The following ZNF407 variants were observed in gnomAD, a reference collection of about 807,000 sequenced individuals.
The protein encoded by ZNF407 is zinc finger protein 407.
A neutral mutation model predicts 131.2 loss-of-function variants in ZNF407; 17 were observed. The observed-to-expected ratio is 0.13, with a 90% confidence interval of 0.09 to 0.19. The LOEUF (loss-of-function observed/expected upper bound fraction) is 0.19. ZNF407 is among the 10% of genes least tolerant of loss of function. The probability of loss-of-function intolerance (pLI) is 1.00; values close to 1 mark genes in which losing one functional copy is unlikely to be tolerated. For synonymous variants in ZNF407, 1,156 were observed against 1,062.0 expected (o/e 1.09, Z -1.72); for missense variants, 2,681 against 2,830.6 (o/e 0.95, Z 1.20).
chr18:74,968,473 A>G (rs1211131798), intron 8 of ZNF407, among the ~76,000 whole-genome samples: 1 of 152,180 alleles, frequency 6.6e-6, no homozygotes, highest in African/African-American at 2.4e-5. Context: ...CCCTTTAACT[A>G]GAATTTTGCA....
rs1243288680 is a variant in ZNF407, at chr18:74,949,174, A to G, written c.5428+28482A>G. Among the ~76,000 whole-genome samples the G allele has an allele frequency of 4.6e-5, 7 of 152,232 alleles. No homozygotes were observed. The South Asian group carries it at 1.4e-3, about 32-fold the overall frequency. On this transcript the variant is annotated intron_variant, in intron 8 of 8. Transcript: ENST00000299687. ...CAGTAGGTACATTTCTTTCTGACAA[A>G]CACACATTTGAAATAAATATTTATA...
chr18:74,655,986 T>C (rs185873780), intron 3 of ZNF407, among the ~76,000 whole-genome samples: 2 of 152,282 alleles, frequency 1.3e-5, no homozygotes, highest in African/African-American at 4.8e-5. Flanking sequence ...AAAATAATGC[T>C]AAGATTCTAG....
At chr18:74,967,313 T>G (rs1347543135) in intron 8 of ZNF407, among the ~76,000 whole-genome samples, 2 of 152,212 alleles carry the variant, frequency 1.3e-5, no homozygotes, top group Non-Finnish European at 2.9e-5. Flanking sequence ...TAAAAATGCC[T>G]TCCATTTTTA....
intron 3 of ZNF407, among the ~76,000 whole-genome samples, chr18:74,669,099 A>T (rs145556212): frequency 4.5e-4 from 69 of 151,792 alleles, no homozygotes; most frequent in African/African-American, 1.6e-3. Context: ...TGAACCCTTG[A>T]CTCAGGTGGT....
chr18:74,695,226 A>G (rs1256338382), intron 3 of ZNF407, among the ~76,000 whole-genome samples: 1 of 152,226 alleles, frequency 6.6e-6, no homozygotes, highest in Non-Finnish European at 1.5e-5. Flanking sequence ...AAAAATAAGT[A>G]TCAATATATG....
chr18:74,796,729 G>A (rs747063820), intron 4 of ZNF407, among the ~76,000 whole-genome samples: 28 of 152,072 alleles, frequency 1.8e-4, no homozygotes, highest in African/African-American at 4.1e-4. Flanking sequence ...AAAAATGCAC[G>A]CTCGAAGCTT....
At chr18:74,804,070 C>A in intron 4 of ZNF407, 5 of 1,551,406 alleles carry the variant, frequency 3.2e-6, no homozygotes, top group Non-Finnish European at 4.4e-6. Context: ...CTTTTCATAA[C>A]TGATGGGACC....
intron 1 of ZNF407, among the ~76,000 whole-genome samples, chr18:74,622,893 CGT>C (rs768793328): frequency 1.0e-3 from 16 of 15,518 alleles, no homozygotes; most frequent in Admixed American, 1.1e-3. Flanking sequence ...CCTACAAGTG[CGT>C]GTCTGTTTTA....
chr18:75,001,498 A>G (rs373831802), intron 8 of ZNF407, among the ~76,000 whole-genome samples: 114 of 152,318 alleles, frequency 7.5e-4, no homozygotes, highest in African/African-American at 2.6e-3. Flanking sequence ...GGTTAAGTGA[A>G]AATGAAAAAT....
intron 7 of ZNF407, among the ~76,000 whole-genome samples, chr18:74,896,454 T>G (rs1971454838): frequency 6.6e-6 from 1 of 152,214 alleles, no homozygotes; most frequent in South Asian, 2.1e-4. Context: ...CTTAGGCTAA[T>G]AATGATTCCA....
At chr18:74,897,691 T>C (rs905470747) in intron 7 of ZNF407, among the ~76,000 whole-genome samples, 2 of 152,208 alleles carry the variant, frequency 1.3e-5, no homozygotes, top group African/African-American at 4.8e-5. Flanking sequence ...ACTAGAGCTA[T>C]TATCAAACAA....
At position 74,833,558 on chromosome 18, in the gene ZNF407, C is replaced by T. The variant is rs145499762; in HGVS notation, c.4878-43639C>T. Among the ~76,000 whole-genome samples, 29 of 152,222 alleles carry T rather than the reference C, an allele frequency of 1.9e-4. 1 individual carries two copies. In the East Asian group the frequency reaches 5.2e-3, roughly 27 times the overall value. On this transcript the variant is annotated intron_variant, in intron 4 of 8. Transcript: ENST00000299687. ...AAGCATACTTGAGCCTGTGGAGTTC[C>T]AGGCACAGAAAGCAGACTTCTGTGG...
At chr18:75,060,177 G>A (rs969723655) in intron 8 of ZNF407, 2 of 152,180 alleles carry the variant, frequency 1.3e-5, no homozygotes, top group Non-Finnish European at 2.9e-5. Flanking sequence ...CGGCAGCCCC[G>A]TTTAATGCTA....
At position 75,063,294 on chromosome 18, in the gene ZNF407, C is replaced by T. The variant is rs199739482; in HGVS notation, c.5573C>T (p.Pro1858Leu). 12 of 1,613,702 alleles carry T rather than the reference C, an allele frequency of 7.4e-6. No homozygotes were observed. In the East Asian group the frequency reaches 1.3e-4, roughly 18 times the overall value. The part of the protein sequence containing the change: ...KPLRSSRRPA[P>L]PPEQVQQVII... ...CTCAGAAGCAGCAGGAGGCCAGCGC[C>T]GCCCCCTGAGCAGGTGCAGCAGGTC... The change falls in exon 9 of 9, where the codon CCG becomes CTG. Residue 1858 changes from proline (P) to leucine (L), a missense_variant. Pro to Leu is a moderately conservative substitution (Grantham distance 98). Coordinates refer to ENST00000299687, the MANE Select transcript of ZNF407 (RefSeq NM_017757.3). The surrounding 1 kb of genome is among the most constrained non-coding windows in gnomAD (Gnocchi z 6.6).
chr18:74,603,272 TCTC>T (rs1982661204), intron 1 of ZNF407, among the ~76,000 whole-genome samples: 1 of 152,168 alleles, frequency 6.6e-6, no homozygotes, highest in South Asian at 2.1e-4. Flanking sequence ...TAGGGAGACT[TCTC>T]AGAGGAAAGG....
At chr18:75,002,749 G>C (rs1267493819) in intron 8 of ZNF407, among the ~76,000 whole-genome samples, 2 of 150,286 alleles carry the variant, frequency 1.3e-5, no homozygotes. Context: ...AGCTTGCAGC[G>C]AGCCGAGATC....
chr18:74,878,888 CAAAA>C (rs573213763), intron 5 of ZNF407, among the ~76,000 whole-genome samples: 4 of 94,160 alleles, frequency 4.2e-5, no homozygotes, highest in Admixed American at 1.1e-4. Flanking sequence ...CAACCCACTC[CAAAA>C]AAAAAAAAAA....
intron 3 of ZNF407, among the ~76,000 whole-genome samples, chr18:74,728,557 T>C (rs963398719): frequency 6.6e-6 from 1 of 152,208 alleles, no homozygotes; most frequent in African/African-American, 2.4e-5. Flanking sequence ...TTCCTTCTAG[T>C]GTTGATTGCC....
intron 8 of ZNF407, among the ~76,000 whole-genome samples, chr18:75,035,485 C>G (rs1218438126): frequency 6.6e-6 from 1 of 152,148 alleles, no homozygotes; most frequent in Non-Finnish European, 1.5e-5. Context: ...TAGGTAGATA[C>G]CAATAGAATG....
Sources: gnomAD v4.1 joint callset for allele counts (sites outside exome capture counted in the v4.1 genomes callset) on GRCh38, gnomAD v4.1.1 for gene constraint, Gnocchi (gnomAD v3.1) non-coding constraint, MANE v1.5 for transcripts, NCBI Gene and HGNC (gene_info 2026-07-23, HGNC 2026-07-21) for gene names.